PRDM2: variants seen among roughly 807,000 people sequenced by gnomAD.
PRDM2 encodes the protein PR domain zinc finger protein 2.
PRDM2 carries 30 observed loss-of-function variants against 130.0 expected under a neutral mutation model. The observed-to-expected ratio is 0.23, with a 90% CI of 0.17 to 0.31. PRDM2 has a LOEUF of 0.31. Among genes scored for constraint, PRDM2 ranks in the 10% least tolerant of loss-of-function variants. The pLI is 1.00. For synonymous variants in PRDM2, 871 were observed against 782.4 expected (o/e 1.11, Z -1.89); for missense variants, 2,011 against 2,108.4 (o/e 0.95, Z 0.90).
At chr1:13,707,802 A>G (rs1204334446) in intron 1 of PRDM2, among the ~76,000 whole-genome samples, 1 of 151,864 alleles carries the variant, frequency 6.6e-6, no homozygotes, top group Non-Finnish European at 1.5e-5. Flanking sequence ...TACTTCATGC[A>G]GGAAAATTGA....
chr1:13,744,101 T>A (rs1643532210), intron 5 of PRDM2, among the ~76,000 whole-genome samples: 1 of 152,286 alleles, frequency 6.6e-6, no homozygotes, highest in Middle Eastern at 3.4e-3. Context: ...GCATGCAAGC[T>A]CATGTAGATA....
chr1:13,810,305 C>T (rs1373528956), intron 8 of PRDM2, among the ~76,000 whole-genome samples: 1 of 152,150 alleles, frequency 6.6e-6, no homozygotes, highest in Non-Finnish European at 1.5e-5. Context: ...TTCCCGCTTC[C>T]AGGGAAGTGT....
chr1:13,732,604 T>C (rs901742001), intron 3 of PRDM2, among the ~76,000 whole-genome samples, 175 bp from the exon 4 acceptor site: 8 of 152,098 alleles, frequency 5.3e-5, no homozygotes, highest in African/African-American at 1.9e-4. Context: ...AGAAGAAAAA[T>C]AAAAATCCCC....
intron 1 of PRDM2, among the ~76,000 whole-genome samples, chr1:13,710,528 T>A (rs1236421769): frequency 6.6e-6 from 1 of 152,222 alleles, no homozygotes; most frequent in Non-Finnish European, 1.5e-5. Context: ...TTATTAAAAA[T>A]GTTAGATATG....
intron 6 of PRDM2, among the ~76,000 whole-genome samples, chr1:13,766,600 C>T (rs1426558308): frequency 6.6e-6 from 1 of 152,156 alleles, no homozygotes; most frequent in Admixed American, 6.5e-5. Flanking sequence ...TTGGGAAGCC[C>T]GTGTCCTCGA....
At chr1:13,702,577 G>T (rs1453144050) in intron 1 of PRDM2, among the ~76,000 whole-genome samples, 1 of 152,160 alleles carries the variant, frequency 6.6e-6, no homozygotes, top group African/African-American at 2.4e-5. Context: ...TGGCTGTGCA[G>T]TTATGTACAT....
Position 13,781,670 on chromosome 1 carries a change from A to G in PRDM2, c.3875A>G (p.Asn1292Ser), listed in dbSNP as rs753557452. 17 of 1,614,120 alleles carry G rather than the reference A, an allele frequency of 1.1e-5. No homozygotes were observed. Among genetic ancestry groups the G allele is most frequent in the East Asian group, 2.2e-5 (1 of 44,882 alleles). ...GATCCAGATGTTCGATTGGGCCTCA[A>G]TCAGCATTACCCAAGCTTTAAACCA... ...TKDPDVRLGL[N>S]QHYPSFKPPP... The change falls in exon 8 of 10, where the codon AAT becomes AGT. Residue 1292 changes from asparagine to serine, a missense_variant. Physicochemically the swap from Asn to Ser is conservative, Grantham distance 46. Coordinates refer to ENST00000311066, the MANE Select transcript of PRDM2 (RefSeq NM_001393986.1). This position sits in a 1 kb window ranked among gnomAD's most constrained non-coding sequence, Gnocchi z 6.1.
chr1:13,737,044 C>G (rs148576145), intron 4 of PRDM2, among the ~76,000 whole-genome samples: 3 of 152,190 alleles, frequency 2.0e-5, no homozygotes, highest in African/African-American at 7.2e-5. Flanking sequence ...TTATAGTCTT[C>G]GCTATCTCAG....
At chr1:13,713,969 C>T (rs61775101) in intron 1 of PRDM2, among the ~76,000 whole-genome samples, 2,503 of 147,646 alleles carry the variant, frequency 0.017, 34 homozygotes, top group Non-Finnish European at 0.027. Flanking sequence ...CCCGGGTTCA[C>T]GCCATTCTCC....
rs753142031 is a variant in PRDM2 at position 13,782,128 on chromosome 1, G to A, written c.4333G>A (p.Asp1445Asn). 14 of 1,613,682 alleles carry A rather than the reference G, an allele frequency of 8.7e-6. No homozygotes were observed. Among genetic ancestry groups the A allele is most frequent in the South Asian group, 3.3e-5 (3 of 91,062 alleles). The part of the protein sequence containing the change: ...QKNKSAKQKA[D>N]LKNACESSSH... ...AAACAAATCTGCAAAGCAGAAGGCC[G>A]ACTTGAAAAATGCTTGTGAGTCATC... Residue 1445 changes from aspartate (D) to asparagine (N), a missense_variant, in exon 8 of 10, where the codon GAC (aspartate) becomes AAC (asparagine). By Grantham distance (23) the Asp-to-Asn change is conservative (BLOSUM62 1). This residue lies in a region of PRDM2 where 410 missense variants were observed against 395.9 expected (regional missense o/e 1.04). Transcript: ENST00000311066.
At chr1:13,706,300 C>G (rs1436517658) in intron 1 of PRDM2, among the ~76,000 whole-genome samples, 2 of 152,204 alleles carry the variant, frequency 1.3e-5, no homozygotes, top group African/African-American at 4.8e-5. Flanking sequence ...CCTCTCCTCA[C>G]CTACTTCCTT....
chr1:13,794,609 A>T (rs894041153), intron 8 of PRDM2, among the ~76,000 whole-genome samples: 2 of 152,206 alleles, frequency 1.3e-5, no homozygotes, highest in African/African-American at 4.8e-5. Context: ...AATCAATCTG[A>T]CCACAAAGAA....
chr1:13,720,501 G>A (rs1453280361), intron 2 of PRDM2, among the ~76,000 whole-genome samples: 6 of 152,178 alleles, frequency 3.9e-5, no homozygotes, highest in Non-Finnish European at 8.8e-5. Context: ...GTGAGGTGGG[G>A]AACCTTTGGA....
At position 13,731,046 on chromosome 1, in the gene PRDM2, C is replaced by G; in HGVS notation, c.56C>G (p.Pro19Arg). 3.7e-6 allele frequency: 6 copies of G among 1,612,744 alleles called. No individual in the cohort carries two copies. Among genetic ancestry groups the G allele is most frequent in the Non-Finnish European group, 5.1e-6 (6 of 1,179,564 alleles). The stretch of plus-strand genomic sequence containing the variant: ...GCCACCGAGACCCTGGCTGAGGTAC[C>G]CGAACATGTGCTGCGAGGACTTCCG... ...VAATETLAEV[P>R]EHVLRGLPEE... Residue 19 changes from proline (P) to arginine (R), a missense_variant, in exon 3 of 10, where the codon CCC becomes CGC. Pro to Arg is a moderately radical substitution (Grantham distance 103). This residue lies in a region of PRDM2 where 79 missense variants were observed against 93.6 expected (regional missense o/e 0.84). Transcript: ENST00000311066.
chr1:13,727,631 A>G (rs765443655), intron 2 of PRDM2, among the ~76,000 whole-genome samples: 15 of 152,158 alleles, frequency 9.9e-5, no homozygotes, highest in Non-Finnish European at 2.1e-4. Flanking sequence ...TCTACAGGGC[A>G]TCAGCCATTG....
chr1:13,735,481 C>T (rs1027765262), intron 4 of PRDM2, among the ~76,000 whole-genome samples: 2 of 152,194 alleles, frequency 1.3e-5, no homozygotes, highest in Admixed American at 6.5e-5. Context: ...TTCTAATTAA[C>T]AGAACTTTAG....
At chr1:13,812,371 C>T (rs976721484) in intron 8 of PRDM2, among the ~76,000 whole-genome samples, 4 of 152,088 alleles carry the variant, frequency 2.6e-5, no homozygotes, top group Non-Finnish European at 4.4e-5. Context: ...GCACACTGCT[C>T]GATGGTGTGC....
chr1:13,782,711 T>C lies in PRDM2; in HGVS notation c.4916T>C (p.Ile1639Thr). ...AAGAAAAGAACAGACCGGTTCAATA[T>C]AAAATCTAGAGAGCGGAGTGGGGGG... ...ASKKRTDRFN[I>T]KSRERSGGPV... is the part of the protein sequence containing the mutation. Residue 1639 changes from isoleucine (I) to threonine (T), a missense_variant, in exon 8 of 10, where the codon ATA becomes ACA. Transcript: ENST00000311066. The C allele has an allele frequency of 6.2e-7, 1 of 1,613,898 alleles. No individual in the cohort carries two copies. Among genetic ancestry groups the C allele is most frequent in the Non-Finnish European group, 8.5e-7 (1 of 1,179,980 alleles).
intron 5 of PRDM2, among the ~76,000 whole-genome samples, chr1:13,747,787 AAAG>A (rs1285239693): frequency 1.3e-5 from 2 of 151,642 alleles, no homozygotes; most frequent in African/African-American, 4.8e-5. Flanking sequence ...AAAAAAAAAA[AAAG>A]AAACAAAAAA....
Sources: allele counts gnomAD v4.1 joint callset (sites outside exome capture counted in the v4.1 genomes callset), GRCh38; gene constraint gnomAD v4.1.1; regional missense constraint gnomAD v4.1.1; non-coding constraint Gnocchi (gnomAD v3.1); transcripts MANE v1.5; gene names NCBI Gene and HGNC (gene_info 2026-07-23, HGNC 2026-07-21).